Variants in CAPN7 observed in about 807,000 individuals in gnomAD.
The protein encoded by CAPN7 is calpain 7.
In CAPN7, 72 loss-of-function variants were observed where a neutral mutation model predicts 115.2. The ratio of observed to expected loss-of-function variants is 0.63; its 90% CI spans 0.52 to 0.76. The LOEUF (loss-of-function observed/expected upper bound fraction) is 0.76. CAPN7 is among the 30% of genes least tolerant of loss of function. The probability of loss-of-function intolerance (pLI) is 0.00; values close to 1 mark genes in which losing one functional copy is unlikely to be tolerated. For synonymous variants in CAPN7, 344 were observed against 322.3 expected (o/e 1.07, Z -0.72); for missense variants, 905 against 971.5 (o/e 0.93, Z 0.91).
chr3:15,208,037 G>T (rs1259721403), intron 1 of CAPN7, among the ~76,000 whole-genome samples: 1 of 152,138 alleles, frequency 6.6e-6, no homozygotes, highest in Non-Finnish European at 1.5e-5. Context: ...AAACATGCGA[G>T]TAAAGTGTTG....
intron 2 of CAPN7, among the ~76,000 whole-genome samples, chr3:15,216,351 A>G (rs1263670528): frequency 6.6e-6 from 1 of 152,046 alleles, no homozygotes; most frequent in Non-Finnish European, 1.5e-5. Context: ...GTGTCATCTC[A>G]TTGTGGTTGT....
At position 15,252,470 on chromosome 3, in the gene CAPN7, A is replaced by G. The variant is rs939269050; in HGVS notation, c.*1210A>G. ...GAGATTTCACTTTGGTAAATACTTCATGCTTTCAGTTTTAGCCTATTAATT... is the reference window on the plus strand; with the variant it reads ...GAGATTTCACTTTGGTAAATACTTCGTGCTTTCAGTTTTAGCCTATTAATT... On this transcript the variant is annotated 3_prime_UTR_variant, in exon 21 of 21. Coordinates refer to ENST00000253693, the MANE Select transcript of CAPN7 (RefSeq NM_014296.3). The G allele has an allele frequency of 6.6e-6, 1 of 152,474 alleles. No individual in the cohort carries two copies. Among genetic ancestry groups the G allele is most frequent in the African/African-American group, 2.4e-5 (1 of 41,450 alleles). 9.4% of individuals were successfully genotyped at this position (152,474 alleles called of 1,614,324 possible). A position where few individuals can be genotyped will look rare whatever the true frequency, so the allele number is the denominator to read the frequency against.
chr3:15,244,379 T>A (rs546398330), intron 16 of CAPN7, among the ~76,000 whole-genome samples: 13 of 152,334 alleles, frequency 8.5e-5, no homozygotes, highest in Admixed American at 3.9e-4. Context: ...CAGAATACTT[T>A]CATGTTTATA....
Position 15,242,171 on chromosome 3 carries a change from A to AT in CAPN7, c.1789-3dup, listed in dbSNP as rs1217141512. ...TTCTAACCACATTGGATTCTTTGTG[A>AT]TTTTAGGATGATTTTGCGAATAATC... On this transcript the variant is annotated splice_polypyrimidine_tract_variant and splice_region_variant and intron_variant, in intron 15 of 20. Transcript: ENST00000253693. The AT allele has an allele frequency of 1.9e-6, 3 of 1,589,672 alleles. No individual in the cohort carries two copies. Among genetic ancestry groups the AT allele is most frequent in the Non-Finnish European group, 2.6e-6 (3 of 1,167,834 alleles).
At position 15,211,367 on chromosome 3, in the gene CAPN7, C is replaced by T. The variant is rs141633849; in HGVS notation, c.103-737C>T. On this transcript the variant is annotated intron_variant, in intron 1 of 20. Coordinates refer to ENST00000253693, the MANE Select transcript of CAPN7 (RefSeq NM_014296.3). ...TCTATTGCATAAGGAAAAAGGAAAA[C>T]GAAACATGTAAACTGCAGCTATTCT... Among the ~76,000 whole-genome samples the T allele has an allele frequency of 1.4e-3, 215 of 152,094 alleles. 2 individuals are homozygous for T. The highest frequency in any genetic ancestry group is 4.4e-3 in the African/African-American group (184 of 41,508).
rs539173274 is a variant in CAPN7 at position 15,240,628 on chromosome 3, C to G, written c.1552+11C>G. 8 of 1,580,312 alleles carry G rather than the reference C, an allele frequency of 5.1e-6. No individual in the cohort carries two copies. The highest frequency in any genetic ancestry group is 6.8e-6 in the Non-Finnish European group (8 of 1,168,072). On this transcript the variant is annotated intron_variant, in intron 13 of 20. Coordinates refer to ENST00000253693, the MANE Select transcript of CAPN7 (RefSeq NM_014296.3). ...AGAAAATAGACAACGGTAAATATAT[C>G]TTTTTAATTTTAATACCATTTATTC...
rs1406071440 is a variant in CAPN7, at chr3:15,247,440, T to A, written c.2187T>A (p.Ile729=). Residue 729 remains isoleucine (I), a synonymous_variant, in exon 19 of 21, where the codon ATT becomes ATA. Transcript: ENST00000253693. ...FHIEKTGPLL[I]ELRGPRQYSV... is the part of the protein sequence containing the mutation. Reference sequence around the variant, plus strand: ...TAGAAAAGACTGGGCCGTTACTGATTGAGCTACGAGGACCAAGGTTTGTGA... The same window carrying A: ...TAGAAAAGACTGGGCCGTTACTGATAGAGCTACGAGGACCAAGGTTTGTGA... The A allele has an allele frequency of 1.2e-6, 2 of 1,600,274 alleles. No homozygotes were observed. The highest frequency in any genetic ancestry group is 1.7e-6 in the Non-Finnish European group (2 of 1,175,720).
In CAPN7 at chr3:15,219,231, T is replaced by G. The variant is rs148556701; in HGVS notation, c.437+691T>G. On this transcript the variant is annotated intron_variant, in intron 4 of 20. Transcript: ENST00000253693. Reference sequence around the variant, plus strand: ...CATGTAATATGTGCTCAGTAGATATTTGCTAAAAGAATGAATGAGTTTGCA... The same window carrying G: ...CATGTAATATGTGCTCAGTAGATATGTGCTAAAAGAATGAATGAGTTTGCA... Among the ~76,000 whole-genome samples the G allele has an allele frequency of 7.2e-3, 1,097 of 152,320 alleles. 12 individuals are homozygous for G. Among genetic ancestry groups the G allele is most frequent in the African/African-American group, 0.023 (965 of 41,564 alleles).
intron 5 of CAPN7, among the ~76,000 whole-genome samples, chr3:15,222,183 G>A (rs564259582): frequency 6.6e-6 from 1 of 152,134 alleles, no homozygotes; most frequent in South Asian, 2.1e-4. Flanking sequence ...GGGGGTTATA[G>A]CGTGTCTGAA....
At chr3:15,250,017 C>T (rs1041124383) in intron 19 of CAPN7, among the ~76,000 whole-genome samples, 7 of 151,236 alleles carry the variant, frequency 4.6e-5, no homozygotes, top group Admixed American at 3.9e-4. Context: ...CCCACCTCTG[C>T]CTCCCAAAGT....
In CAPN7 at chr3:15,223,581, A is replaced by G. The variant is rs17040876; in HGVS notation, c.725+20A>G. 15,317 of 1,390,256 alleles carry G rather than the reference A, an allele frequency of 0.011. 1,357 individuals are homozygous for G. The African/African-American group carries it at 0.19, about 17-fold the overall frequency. The allele number at this position is 1,390,256 out of a possible 1,614,324, so 86.1% of individuals were successfully genotyped here. A position where few individuals can be genotyped will look rare whatever the true frequency, so the allele number is the denominator to read the frequency against. Reference sequence around the variant, plus strand: ...TTTCTGGTAAGTAAGCACTGTTGCAATTTTTAACTCCAATATTTTAACTTT... The same window carrying G: ...TTTCTGGTAAGTAAGCACTGTTGCAGTTTTTAACTCCAATATTTTAACTTT... On this transcript the variant is annotated intron_variant, in intron 6 of 20. Coordinates refer to ENST00000253693, the MANE Select transcript of CAPN7 (RefSeq NM_014296.3).
chr3:15,245,015 A>G (rs1400086911), intron 16 of CAPN7, among the ~76,000 whole-genome samples: 1 of 152,018 alleles, frequency 6.6e-6, no homozygotes, highest in Non-Finnish European at 1.5e-5. Context: ...TTTGTATTCA[A>G]GTCTAAAAAG....
At chr3:15,243,531 G>A (rs1036712061) in intron 16 of CAPN7, among the ~76,000 whole-genome samples, 1 of 152,066 alleles carries the variant, frequency 6.6e-6, no homozygotes, top group Non-Finnish European at 1.5e-5. Context: ...TCTGACCCTT[G>A]GACTCTCAGA....
At chr3:15,215,497 C>T (rs1185582818) in intron 2 of CAPN7, among the ~76,000 whole-genome samples, 2 of 152,198 alleles carry the variant, frequency 1.3e-5, no homozygotes, top group African/African-American at 2.4e-5. Context: ...CAGTCAATCC[C>T]CATTCCTCCC....
chr3:15,232,283 TAATC>T (rs1339669769), intron 9 of CAPN7: 2 of 384,844 alleles, frequency 5.2e-6, no homozygotes, highest in African/African-American at 4.2e-5. Flanking sequence ...ACATGACATT[TAATC>T]AATTGATTGA....
At chr3:15,232,213 G>T (rs1694733806) in intron 9 of CAPN7, 1 of 344,816 alleles carries the variant, frequency 2.9e-6, no homozygotes, top group South Asian at 2.4e-5. Context: ...GGATTTTGGA[G>T]CATTTCAAAT....
At chr3:15,249,001 A>C (rs556746527) in intron 19 of CAPN7, among the ~76,000 whole-genome samples, 2 of 140,058 alleles carry the variant, frequency 1.4e-5, no homozygotes, top group Non-Finnish European at 3.1e-5. Flanking sequence ...GTCTCATACA[A>C]CAACCAAAAA....
chr3:15,227,709 G>C (rs1575196808), intron 6 of CAPN7, 130 bp from the exon 7 acceptor site: 1 of 444,648 alleles, frequency 2.2e-6, no homozygotes, highest in Non-Finnish European at 3.8e-6. Context: ...TTGACCAGAA[G>C]GTTATTTTAA....
At position 15,252,638 on chromosome 3, in the gene CAPN7, C is replaced by G. The variant is rs951924126; in HGVS notation, c.*1378C>G. The stretch of plus-strand genomic sequence containing the variant: ...ATGCAAACTAAAAACCTAATCCCTG[C>G]CATCAAATTTATTAGAAGAGACCTA... On this transcript the variant is annotated 3_prime_UTR_variant, in exon 21 of 21. Transcript: ENST00000253693. The G allele has an allele frequency of 1.3e-5, 2 of 152,002 alleles. No homozygotes were observed. The highest frequency in any genetic ancestry group is 2.9e-5 in the Non-Finnish European group (2 of 68,012). The allele number at this position is 152,002 out of a possible 1,614,324, so 9.4% of individuals were successfully genotyped here. A position where few individuals can be genotyped will look rare whatever the true frequency, so the allele number is the denominator to read the frequency against.
Sources: allele counts gnomAD v4.1 joint callset (sites outside exome capture counted in the v4.1 genomes callset), GRCh38; gene constraint gnomAD v4.1.1; transcripts MANE v1.5; gene names NCBI Gene and HGNC (gene_info 2026-07-23, HGNC 2026-07-21).